Variants in TNFSF4 observed in about 807,000 individuals in gnomAD.
TNFSF4 encodes the protein tumor necrosis factor ligand superfamily member 4.
A neutral mutation model predicts 7.3 loss-of-function variants in TNFSF4; 4 were observed. The ratio of observed to expected loss-of-function variants is 0.55; its 90% CI spans 0.27 to 1.25. The LOEUF is 1.25. Ranked by LOEUF, TNFSF4 falls within the 50% of genes most tolerant of loss-of-function variation. The pLI is 0.12. For synonymous variants in TNFSF4, 76 were observed against 83.7 expected, an observed-to-expected ratio of 0.91 and a Z score of 0.50; for missense variants, 181 against 208.8, an observed-to-expected ratio of 0.87 and a Z score of 0.82.
chr1:173,372,699 T>C, the TNFSF4 span, among the ~76,000 whole-genome samples: 1 of 152,214 alleles, frequency 6.6e-6, no homozygotes, highest in Non-Finnish European at 1.5e-5. Flanking sequence ...TTTATGGCTA[T>C]CATACAACAA....
intron 1 of TNFSF4, among the ~76,000 whole-genome samples, chr1:173,193,917 C>T (rs1236297861): frequency 6.6e-6 from 1 of 152,168 alleles, no homozygotes; most frequent in African/African-American, 2.4e-5. Context: ...GGTTCTTAAA[C>T]TCTAAATGTG....
chr1:173,209,002 T>C (rs189728753), upstream of TNFSF4, among the ~76,000 whole-genome samples: 107 of 152,318 alleles, frequency 7.0e-4, no homozygotes, highest in African/African-American at 2.4e-3. Context: ...ACTTGTACCT[T>C]AAGCAGCATT....
the TNFSF4 span, among the ~76,000 whole-genome samples, chr1:173,437,199 C>A: frequency 6.6e-6 from 1 of 152,286 alleles, no homozygotes. Context: ...TGTCGCTTCC[C>A]TCTGCTGATT....
At chr1:173,314,973 CA>C in the TNFSF4 span, among the ~76,000 whole-genome samples, 1 of 151,916 alleles carries the variant, frequency 6.6e-6, no homozygotes, top group Admixed American at 6.6e-5. Flanking sequence ...CAGGGTGAGG[CA>C]ACACAGTGGA....
At chr1:173,203,704 A>G (rs1437592632) in intron 1 of TNFSF4, among the ~76,000 whole-genome samples, 1 of 152,220 alleles carries the variant, frequency 6.6e-6, no homozygotes, top group African/African-American at 2.4e-5. Context: ...AGTGATAAGA[A>G]CTGAAAAAAA....
chr1:173,229,398 A>T, the TNFSF4 span, among the ~76,000 whole-genome samples: 20 of 152,312 alleles, frequency 1.3e-4, no homozygotes, highest in African/African-American at 4.8e-4. Flanking sequence ...ATTTTGTCAG[A>T]ACCAGGCCTG....
chr1:173,220,022 A>C, the TNFSF4 span, among the ~76,000 whole-genome samples: 1 of 151,950 alleles, frequency 6.6e-6, no homozygotes, highest in Non-Finnish European at 1.5e-5. Flanking sequence ...ACCAAACAAA[A>C]CCTGTTCCCC....
chr1:173,322,583 C>T, the TNFSF4 span, among the ~76,000 whole-genome samples: 5 of 152,148 alleles, frequency 3.3e-5, no homozygotes, highest in East Asian at 1.9e-4. Flanking sequence ...TGAAGCAGGG[C>T]GAGGCATTGC....
chr1:173,195,249 A>T (rs1649651074), intron 1 of TNFSF4, among the ~76,000 whole-genome samples: 2 of 152,352 alleles, frequency 1.3e-5, no homozygotes, highest in East Asian at 3.9e-4. Flanking sequence ...ATTTTTGAAT[A>T]GTTGTCAAAA....
At chr1:173,403,920 G>A in the TNFSF4 span, among the ~76,000 whole-genome samples, 1 of 151,188 alleles carries the variant, frequency 6.6e-6, no homozygotes, top group African/African-American at 2.4e-5. Context: ...AAAAAAGAGA[G>A]TTTTCATTTT....
chr1:173,272,739 T>C, the TNFSF4 span, among the ~76,000 whole-genome samples: 5 of 152,160 alleles, frequency 3.3e-5, no homozygotes, highest in Admixed American at 3.3e-4. Context: ...CCACGACCTT[T>C]GCTCTTGCCC....
chr1:173,423,054 C>CG, the TNFSF4 span, among the ~76,000 whole-genome samples: 22 of 150,728 alleles, frequency 1.5e-4, 1 homozygote, highest in South Asian at 4.6e-3. Context: ...CTGCAACCTC[C>CG]GCCTCCCAGG....
At chr1:173,261,119 C>G in the TNFSF4 span, among the ~76,000 whole-genome samples, 1 of 152,146 alleles carries the variant, frequency 6.6e-6, no homozygotes, top group African/African-American at 2.4e-5. Flanking sequence ...TCCAGAAGAA[C>G]TGAAATTATG....
At chr1:173,178,035 C>T in the TNFSF4 span, among the ~76,000 whole-genome samples, 1 of 152,142 alleles carries the variant, frequency 6.6e-6, no homozygotes, top group Non-Finnish European at 1.5e-5. Context: ...GTTTAAAACA[C>T]ATTTTAATAC....
chr1:173,236,494 TAAG>T, the TNFSF4 span, among the ~76,000 whole-genome samples: 1 of 151,892 alleles, frequency 6.6e-6, no homozygotes, highest in East Asian at 1.9e-4. Context: ...AAAAAGATGT[TAAG>T]AAATGTTTTG....
At chr1:173,436,718 G>C in the TNFSF4 span, among the ~76,000 whole-genome samples, 2 of 152,140 alleles carry the variant, frequency 1.3e-5, no homozygotes, top group Non-Finnish European at 2.9e-5. Flanking sequence ...GGCTACTTAA[G>C]GAAAAGGGCA....
chr1:173,401,264 A>G, the TNFSF4 span, among the ~76,000 whole-genome samples: 122,801 of 152,182 alleles, frequency 0.81, 49,918 homozygotes, highest in East Asian at 0.92. Context: ...ACTTGTTATC[A>G]TCTTTATTTG....
chr1:173,225,745 G>A, the TNFSF4 span, among the ~76,000 whole-genome samples: 1 of 152,148 alleles, frequency 6.6e-6, no homozygotes, highest in Non-Finnish European at 1.5e-5. Context: ...AGAGTAAAAA[G>A]AGGAACCATG....
chr1:173,400,991 T>C, the TNFSF4 span, among the ~76,000 whole-genome samples: 2 of 152,072 alleles, frequency 1.3e-5, no homozygotes, highest in African/African-American at 4.8e-5. Flanking sequence ...ATTTCCTCCT[T>C]ATTTTGTTAT....
Sources: gnomAD v4.1 joint callset for allele counts (sites outside exome capture counted in the v4.1 genomes callset) on GRCh38, gnomAD v4.1.1 for gene constraint, MANE v1.5 for transcripts, NCBI Gene and HGNC (gene_info 2026-07-23, HGNC 2026-07-21) for gene names.